MGAT4C: variants seen among roughly 807,000 people sequenced by gnomAD.
MGAT4C encodes the protein MGAT4 family member C.
A neutral mutation model predicts 40.1 loss-of-function variants in MGAT4C; 19 were observed. The ratio of observed to expected loss-of-function variants is 0.47; its 90% CI spans 0.33 to 0.70. The LOEUF is 0.70. Ranked by LOEUF, MGAT4C falls within the 30% of genes least tolerant of loss-of-function variation. MGAT4C has a pLI of 0.02. For synonymous variants in MGAT4C, 181 were observed against 187.1 expected, an observed-to-expected ratio of 0.97 and a Z score of 0.27; for missense variants, 491 against 563.2, an observed-to-expected ratio of 0.87 and a Z score of 1.30.
At chr12:86,390,928 C>T (rs537312767) in intron 3 of MGAT4C, among the ~76,000 whole-genome samples, 4 of 152,220 alleles carry the variant, frequency 2.6e-5, no homozygotes, top group Non-Finnish European at 5.9e-5. Context: ...TTCTACAACC[C>T]GTATCCTACT....
intron 2 of MGAT4C, among the ~76,000 whole-genome samples, chr12:86,590,035 G>A (rs1961256862): frequency 6.6e-6 from 1 of 151,928 alleles, no homozygotes; most frequent in Non-Finnish European, 1.5e-5. Context: ...TTCGTAGGAT[G>A]CTGATGGATG....
At chr12:86,609,376 G>A (rs1962165554) in intron 2 of MGAT4C, among the ~76,000 whole-genome samples, 1 of 151,988 alleles carries the variant, frequency 6.6e-6, no homozygotes, top group Admixed American at 6.6e-5. Flanking sequence ...TATTTGTTAT[G>A]CTTATATCAA....
At chr12:86,103,256 T>C (rs2135603053) in intron 1 of MGAT4C, among the ~76,000 whole-genome samples, 1 of 152,290 alleles carries the variant, frequency 6.6e-6, no homozygotes, top group South Asian at 2.1e-4. Flanking sequence ...GAGTGAATAA[T>C]ATTTTATGTG....
At chr12:86,316,854 A>G (rs1041087649) in intron 4 of MGAT4C, among the ~76,000 whole-genome samples, 3 of 152,196 alleles carry the variant, frequency 2.0e-5, no homozygotes, top group African/African-American at 7.2e-5. Flanking sequence ...CGTACCACTC[A>G]TTCTAAAATA....
intron 1 of MGAT4C, among the ~76,000 whole-genome samples, chr12:86,810,602 CA>C (rs1420489078): frequency 6.6e-6 from 1 of 151,438 alleles, no homozygotes; most frequent in Non-Finnish European, 1.5e-5. Flanking sequence ...GATTTTTCTT[CA>C]TTAGTTAGTG....
chr12:86,338,653 C>T (rs1954839078), intron 3 of MGAT4C, among the ~76,000 whole-genome samples: 3 of 152,084 alleles, frequency 2.0e-5, no homozygotes, highest in Admixed American at 6.6e-5. Flanking sequence ...AGATCCCCTT[C>T]ACTTTCTCAG....
chr12:85,987,293 C>T (rs933203118), intron 3 of MGAT4C, among the ~76,000 whole-genome samples: 4 of 150,864 alleles, frequency 2.7e-5, no homozygotes, highest in African/African-American at 4.9e-5. Context: ...CCCGCCACTA[C>T]GCCCGGCTAA....
chr12:86,013,560 T>C (rs1204127451), intron 2 of MGAT4C: 1 of 175,844 alleles, frequency 5.7e-6, no homozygotes, highest in Non-Finnish European at 1.1e-5. Flanking sequence ...AATTTATACA[T>C]AATGTGGCAT....
chr12:86,428,177 TATTTC>T (rs1475614844), intron 3 of MGAT4C, among the ~76,000 whole-genome samples: 1 of 152,214 alleles, frequency 6.6e-6, no homozygotes, highest in African/African-American at 2.4e-5. Flanking sequence ...TTATTTAGAT[TATTTC>T]ATTTAATTAT....
intron 3 of MGAT4C, among the ~76,000 whole-genome samples, chr12:86,411,346 G>A (rs1305206382): frequency 6.6e-6 from 1 of 152,164 alleles, no homozygotes; most frequent in Non-Finnish European, 1.5e-5. Flanking sequence ...ATAGTGATAT[G>A]GATAGTGAAG....
chr12:86,758,304 A>G (rs1266360001), intron 1 of MGAT4C, among the ~76,000 whole-genome samples: 2 of 152,084 alleles, frequency 1.3e-5, no homozygotes, highest in African/African-American at 4.8e-5. Flanking sequence ...ATAAAGATGA[A>G]TCAAAGGAAT....
At chr12:86,104,587 T>C (rs983611782) in intron 1 of MGAT4C, among the ~76,000 whole-genome samples, 4 of 152,194 alleles carry the variant, frequency 2.6e-5, no homozygotes, top group Non-Finnish European at 2.9e-5. Context: ...AAGATAACTT[T>C]TGTTTTCAGT....
chr12:86,684,469 G>A (rs1337470122), intron 2 of MGAT4C, among the ~76,000 whole-genome samples: 1 of 152,162 alleles, frequency 6.6e-6, no homozygotes, highest in Non-Finnish European at 1.5e-5. Context: ...CTTTGCTCAG[G>A]TAAATAGTGC....
chr12:86,044,889 T>G (rs1417561454), intron 2 of MGAT4C, among the ~76,000 whole-genome samples: 2 of 152,112 alleles, frequency 1.3e-5, no homozygotes, highest in Non-Finnish European at 2.9e-5. Context: ...CTTTCCCTGC[T>G]AGCTCAAGTG....
chr12:86,527,509 T>A (rs1022768003), intron 2 of MGAT4C, among the ~76,000 whole-genome samples: 32 of 152,230 alleles, frequency 2.1e-4, no homozygotes, highest in Admixed American at 5.2e-4. Flanking sequence ...ACTTTAGAAT[T>A]TTTTTTCTAT....
intron 4 of MGAT4C, among the ~76,000 whole-genome samples, chr12:86,331,487 A>G (rs1954667963): frequency 1.3e-5 from 2 of 152,232 alleles, no homozygotes; most frequent in South Asian, 4.1e-4. Context: ...AAACTCTACC[A>G]TTCTGCCTCT....
intron 1 of MGAT4C, among the ~76,000 whole-genome samples, chr12:86,228,679 A>C (rs1951196434): frequency 6.6e-6 from 1 of 151,892 alleles, no homozygotes; most frequent in South Asian, 2.1e-4. Context: ...AAAATTTCTT[A>C]TGCTGATAAA....
intron 2 of MGAT4C, among the ~76,000 whole-genome samples, chr12:86,546,987 G>T (rs964115138): frequency 1.3e-5 from 2 of 151,720 alleles, no homozygotes; most frequent in Middle Eastern, 3.2e-3. Context: ...TAAATAAAAA[G>T]AATTTATTTA....
At chr12:86,186,337 C>A (rs1888751892) in intron 1 of MGAT4C, among the ~76,000 whole-genome samples, 1 of 152,154 alleles carries the variant, frequency 6.6e-6, no homozygotes, top group Non-Finnish European at 1.5e-5. Flanking sequence ...GTGTTCATAT[C>A]AATTAATAAC....
Sources: gnomAD v4.1 joint callset for allele counts (sites outside exome capture counted in the v4.1 genomes callset) on GRCh38, gnomAD v4.1.1 for gene constraint, MANE v1.5 for transcripts, NCBI Gene and HGNC (gene_info 2026-07-23, HGNC 2026-07-21) for gene names.